Variants in EDA2R observed in about 807,000 individuals in gnomAD.
EDA2R encodes ectodysplasin A2 receptor.
EDA2R carries 26 observed loss-of-function variants against 20.1 expected under a neutral mutation model. The observed-to-expected ratio is 1.30, with a 90% CI of 0.95 to 1.80. The LOEUF is 1.80. Ranked by LOEUF, EDA2R falls within the 40% of genes most tolerant of loss-of-function variation. The probability of loss-of-function intolerance (pLI) is 0.00; values close to 1 mark genes in which losing one functional copy is unlikely to be tolerated. For missense variants in EDA2R, 277 were observed against 228.7 expected, an observed-to-expected ratio of 1.21 and a Z score of -1.36; for synonymous variants, 114 against 88.7, an observed-to-expected ratio of 1.29 and a Z score of -1.60.
At chrX:66,599,421 T>A in intron 6 of EDA2R, 53 bp downstream of exon 6, 1 of 1,060,126 alleles carries the variant, frequency 9.4e-7, no homozygotes, top group South Asian at 2.5e-5. Context: ...AGGTTAGTCC[T>A]TAATTTCTGT....
At chrX:66,602,074 G>GTGAAGT (rs1318114529) in intron 5 of EDA2R, among the ~76,000 whole-genome samples, 1 of 111,675 alleles carries the variant, frequency 9.0e-6, no homozygotes, top group Non-Finnish European at 1.9e-5. Flanking sequence ...ATCCCCATTT[G>GTGAAGT]TGAAGTTATT....
At chrX:66,608,855 G>A (rs1157096062) in intron 2 of EDA2R, among the ~76,000 whole-genome samples, 1 of 111,364 alleles carries the variant, frequency 9.0e-6, no homozygotes. Flanking sequence ...TTGGGGAGGG[G>A]GAAATTGGGA....
chrX:66,611,010 G>A (rs112959398), intron 2 of EDA2R, among the ~76,000 whole-genome samples: 207 of 111,395 alleles, frequency 1.9e-3, no homozygotes, highest in African/African-American at 6.5e-3. Context: ...TCGAGCATGG[G>A]AAATGTTCTT....
At chrX:66,601,451 T>A (rs967826443) in intron 5 of EDA2R, among the ~76,000 whole-genome samples, 4 of 111,639 alleles carry the variant, frequency 3.6e-5, no homozygotes, top group Admixed American at 2.8e-4. Flanking sequence ...TCCCCGTGTA[T>A]CCTGCAGCCC....
At chrX:66,624,921 A>C (rs1020332016) in intron 1 of EDA2R, among the ~76,000 whole-genome samples, 2 of 111,940 alleles carry the variant, frequency 1.8e-5, no homozygotes, top group Non-Finnish European at 1.9e-5. Flanking sequence ...CACACTGGGG[A>C]AAGTCTAATT....
At chrX:66,639,113 C>T, upstream of EDA2R, 1 of 91,546 alleles carries the variant, frequency 1.1e-5, no homozygotes, top group African/African-American at 4.0e-5. Flanking sequence ...CTTCACCCCG[C>T]GCCCCTCAGC....
At chrX:66,622,667 A>T (rs1932774073) in intron 1 of EDA2R, among the ~76,000 whole-genome samples, 1 of 111,730 alleles carries the variant, frequency 9.0e-6, no homozygotes, top group Non-Finnish European at 1.9e-5. Flanking sequence ...AGCCTTGAGA[A>T]CACTGCTTTC....
At chrX:66,616,512 G>A (rs1289057134) in intron 1 of EDA2R, among the ~76,000 whole-genome samples, 3 of 112,493 alleles carry the variant, frequency 2.7e-5, no homozygotes, top group Admixed American at 1.9e-4. Flanking sequence ...TGTGAGGTAA[G>A]CATTATAGAG....
intron 1 of EDA2R, among the ~76,000 whole-genome samples, chrX:66,629,934 C>T (rs1476857481): frequency 9.0e-6 from 1 of 111,619 alleles, no homozygotes; most frequent in African/African-American, 3.3e-5. Context: ...TACCTGATTT[C>T]AAACTATACT....
At chrX:66,631,645 C>T (rs760012726) in intron 1 of EDA2R, among the ~76,000 whole-genome samples, 6 of 111,109 alleles carry the variant, frequency 5.4e-5, no homozygotes, top group Non-Finnish European at 7.5e-5. Context: ...ACTGCCCAAG[C>T]TTTAGGAGAC....
chrX:66,619,959 A>G (rs935977653), intron 1 of EDA2R, among the ~76,000 whole-genome samples: 3 of 111,369 alleles, frequency 2.7e-5, no homozygotes, highest in African/African-American at 9.8e-5. Context: ...AATACACAGA[A>G]CTTTTCTATT....
At chrX:66,632,268 A>T (rs1204326522) in intron 1 of EDA2R, among the ~76,000 whole-genome samples, 1 of 111,448 alleles carries the variant, frequency 9.0e-6, no homozygotes, top group East Asian at 2.8e-4. Context: ...TACTAAAAGT[A>T]CAAAAATTAG....
chrX:66,620,318 T>A (rs182741510), intron 1 of EDA2R, among the ~76,000 whole-genome samples: 1 of 111,633 alleles, frequency 9.0e-6, no homozygotes, highest in East Asian at 2.8e-4. Context: ...ATGGATTTTT[T>A]AAAGAATGCC....
Position 66,618,341 on chromosome X carries a change from A to G in EDA2R, c.-10-2311T>C, listed in dbSNP as rs181183406. On this transcript the variant is annotated intron_variant, in intron 1 of 6. Coordinates refer to ENST00000374719, the MANE Select transcript of EDA2R (RefSeq NM_021783.5). ...GGCGTATGTGTAAAACTACCTAATA[A>G]GGGTTAAATGTCATTACCTAGGGAG... Among the ~76,000 whole-genome samples the G allele has an allele frequency of 2.7e-4, 30 of 112,565 alleles. No homozygotes were observed. The East Asian group carries it at 7.8e-3, about 29-fold the overall frequency.
Position 66,599,804 on chromosome X carries a change from C to T in EDA2R, c.574G>A (p.Val192Met), listed in dbSNP as rs778940212. 28 of 1,206,775 alleles carry T rather than the reference C, an allele frequency of 2.3e-5. No homozygotes were observed. The highest frequency in any genetic ancestry group is 2.1e-4 in the South Asian group (12 of 55,997). The change falls in exon 6 of 7, where the codon GTG becomes ATG. Residue 192 changes from valine (V) to methionine (M), a missense_variant. Val to Met is a conservative substitution (Grantham distance 21, BLOSUM62 1). Transcript: ENST00000374719. ...KTAKEESLFP[V>M]PPSKETSAES... ...GCACTGGTCTCCTTGCTGGGTGGCACGGGGAAGAGAGATTCCTCCTTTGCT... is the reference window on the plus strand; with the variant it reads ...GCACTGGTCTCCTTGCTGGGTGGCATGGGGAAGAGAGATTCCTCCTTTGCT...
chrX:66,629,994 C>T (rs773493185), intron 1 of EDA2R, among the ~76,000 whole-genome samples: 11 of 111,585 alleles, frequency 9.9e-5, no homozygotes, highest in Non-Finnish European at 1.7e-4. Flanking sequence ...TAAATAGGCA[C>T]ATAGACCAAT....
intron 2 of EDA2R, among the ~76,000 whole-genome samples, chrX:66,612,585 A>G (rs1222577752): frequency 9.0e-6 from 1 of 111,348 alleles, no homozygotes; most frequent in African/African-American, 3.3e-5. Flanking sequence ...ATGGAATCCT[A>G]AATAAAATGT....
chrX:66,605,087 G>A lies in EDA2R; in HGVS notation c.227C>T (p.Thr76Ile). Residue 76 changes from threonine (T) to isoleucine (I), a missense_variant, in exon 3 of 7, where the codon ACA becomes ATA. By Grantham distance (89) the Thr-to-Ile change is moderately conservative. Transcript: ENST00000374719. ...CCCACAGACAGCATTAGAGGTAGCT[G>A]TGCAGTTGACCTTCTGAACACGATT... ...VINRVQKVNC[T>I]ATSNAVCGDC... The A allele has an allele frequency of 8.3e-7, 1 of 1,209,001 alleles. No individual in the cohort carries two copies.
At position 66,597,637 on chromosome X, in the gene EDA2R, G is replaced by C. The variant is rs914062164; in HGVS notation, c.*467C>G. 1 of 115,356 alleles carries C rather than the reference G, an allele frequency of 8.7e-6. No individual in the cohort carries two copies. Among genetic ancestry groups the C allele is most frequent in the Non-Finnish European group, 1.8e-5 (1 of 56,007 alleles). 9.5% of individuals were successfully genotyped at this position (115,356 alleles called of 1,213,427 possible). On this transcript the variant is annotated 3_prime_UTR_variant, in exon 7 of 7. Transcript: ENST00000374719. ...TGTGTGTGTGTGTTTGTGTGTCTAT[G>C]TATATGTGTGTGTATGTGTGTGTGT...
Sources: allele counts gnomAD v4.1 joint callset (sites outside exome capture counted in the v4.1 genomes callset), GRCh38; gene constraint gnomAD v4.1.1; transcripts MANE v1.5; gene names NCBI Gene and HGNC (gene_info 2026-07-23, HGNC 2026-07-21).